Variants in MYH1 observed in about 807,000 individuals in gnomAD.
MYH1 encodes the protein myosin heavy chain 1.
In MYH1, 214 loss-of-function variants were observed where a neutral mutation model predicts 225.6. That is an observed-to-expected ratio of 0.95 (90% CI 0.85 to 1.06). The LOEUF is 1.06. Among genes scored for constraint, MYH1 ranks in the 50% least tolerant of loss-of-function variants. The pLI is 0.00. For synonymous variants in MYH1, 774 were observed against 842.3 expected, an observed-to-expected ratio of 0.92 and a Z score of 1.40; for missense variants, 2,098 against 2,344.2, an observed-to-expected ratio of 0.89 and a Z score of 2.17.
chr17:10,497,805 G>A lies in MYH1; in HGVS notation c.4294C>T (p.Leu1432Phe). ...TTTGTCCTCTCAACATCAATCATGA[G>A]GTCCTCAACTTCATTCTGGAGCCTC... ...KQRLQNEVED[L>F]MIDVERTNAA... Residue 1432 changes from leucine (L) to phenylalanine (F), a missense_variant, in exon 31 of 40, where the codon CTC becomes TTC. Leu to Phe is a conservative substitution (Grantham distance 22). Coordinates refer to ENST00000226207, the MANE Select transcript of MYH1 (RefSeq NM_005963.4). 6.2e-7 allele frequency: 1 copy of A among 1,614,140 alleles called. No individual in the cohort carries two copies. Among genetic ancestry groups the A allele is most frequent in the Non-Finnish European group, 8.5e-7 (1 of 1,180,022 alleles).
chr17:10,507,950 C>A lies in MYH1; in HGVS notation c.1904G>T (p.Gly635Val), dbSNP rs1422403636. Residue 635 changes from glycine to valine, a missense_variant, in exon 17 of 40, where the codon GGC (glycine) becomes GTC (valine). Gly to Val is a moderately radical substitution (Grantham distance 109). Transcript: ENST00000226207. ...CTTCTTACCACCTTTCTTTCCACCG[C>A]CAGCCTCTGAGGGGAAAAAGAAAGC... is the stretch of plus-strand genomic sequence containing the variant. ...VGATGAEAEA[G>V]GGKKGGKKKG... 2 of 1,613,464 alleles carry A rather than the reference C, an allele frequency of 1.2e-6. No homozygotes were observed. The highest frequency in any genetic ancestry group is 2.2e-5 in the South Asian group (2 of 91,054).
Position 10,516,700 on chromosome 17 carries a change from G to C in MYH1, c.-40-18C>G. 6.3e-7 allele frequency: 1 copy of C among 1,582,352 alleles called. No individual in the cohort carries two copies. The highest frequency in any genetic ancestry group is 1.8e-5 in the Admixed American group (1 of 55,348). On this transcript the variant is annotated intron_variant, in intron 2 of 39. Coordinates refer to ENST00000226207, the MANE Select transcript of MYH1 (RefSeq NM_005963.4). ...GACCCTGGCTGGGAGAGGAAGAAAA[G>C]AAATTGTAGAAATTAAGAAACTGGA...
intron 27 of MYH1, 49 bp from the exon 28 acceptor site, chr17:10,500,801 A>C: frequency 3.1e-6 from 5 of 1,612,166 alleles, no homozygotes; most frequent in Non-Finnish European, 4.2e-6. Context: ...AGTTGGACCA[A>C]AGAAAGTTTC....
chr17:10,508,012 T>TG lies in MYH1; in HGVS notation c.1898-57_1898-56insC. 1.5e-5 allele frequency: 20 copies of TG among 1,316,358 alleles called. 1 individual carries two copies. The South Asian group carries it at 2.6e-4, about 17-fold the overall frequency. 81.5% of individuals were successfully genotyped at this position (1,316,358 alleles called of 1,614,324 possible). A position where few individuals can be genotyped will look rare whatever the true frequency, so the allele number is the denominator to read the frequency against. ...AGCCTTTCTCTGGTTATGGTTTTTT[T>TG]TTTTTGTTTTTTTTTGTTTTTTTTG... On this transcript the variant is annotated intron_variant, in intron 16 of 39. Coordinates refer to ENST00000226207, the MANE Select transcript of MYH1 (RefSeq NM_005963.4).
intron 6 of MYH1, 89 bp downstream of exon 6, chr17:10,514,779 G>A (rs1050852688): frequency 2.5e-5 from 30 of 1,188,302 alleles, no homozygotes; most frequent in Non-Finnish European, 3.8e-5. Context: ...CAGTGCTTTA[G>A]TAGAGAACAT....
Position 10,497,756 on chromosome 17 carries a change from T to C in MYH1, c.4343A>G (p.Lys1448Arg). The C allele has an allele frequency of 6.2e-7, 1 of 1,613,868 alleles. No individual in the cohort carries two copies. The highest frequency in any genetic ancestry group is 8.5e-7 in the Non-Finnish European group (1 of 1,179,976). The change falls in exon 31 of 40, where the codon AAA becomes AGA. Residue 1448 changes from lysine to arginine, a missense_variant. Lys to Arg is a conservative substitution (Grantham distance 26). Transcript: ENST00000226207. ...RTNAACAALDKKQRNFDKILA... is the reference protein window; with the variant it reads ...RTNAACAALDRKQRNFDKILA... ...TACCTTATCAAAGTTCCTTTGCTTT[T>C]TGTCCAGGGCGGCACAGGCAGCATT...
intron 39 of MYH1, among the ~76,000 whole-genome samples, chr17:10,493,734 T>C (rs772906577): frequency 1.3e-5 from 2 of 152,238 alleles, no homozygotes; most frequent in African/African-American, 2.4e-5. Flanking sequence ...ACTCAAACCA[T>C]AAACTTGATA....
intron 17 of MYH1, among the ~76,000 whole-genome samples, chr17:10,506,446 A>T (rs923995587): frequency 6.6e-6 from 1 of 151,962 alleles, no homozygotes; most frequent in Non-Finnish European, 1.5e-5. Context: ...ACTACTAATC[A>T]ATGCCTTCCT....
chr17:10,498,233 G>A (rs980442960), intron 30 of MYH1, among the ~76,000 whole-genome samples: 23 of 152,122 alleles, frequency 1.5e-4, no homozygotes, highest in African/African-American at 5.3e-4. Context: ...TTGAATTACT[G>A]GTTTGTTTTT....
chr17:10,515,188 T>C (rs563684838), intron 5 of MYH1, among the ~76,000 whole-genome samples: 1 of 152,354 alleles, frequency 6.6e-6, no homozygotes, highest in South Asian at 2.1e-4. Context: ...ATTTAATAGA[T>C]TGAAATAGTG....
rs774291783 is a variant in MYH1, at chr17:10,501,284, C to T, written c.3564G>A (p.Gln1188=). The T allele has an allele frequency of 6.2e-6, 10 of 1,614,128 alleles. No individual in the cohort carries two copies. The East Asian group carries it at 2.0e-4, about 32-fold the overall frequency. The change falls in exon 27 of 40, where the codon CAG becomes CAA. Residue 1188 remains glutamine, a synonymous_variant. Coordinates refer to ENST00000226207, the MANE Select transcript of MYH1 (RefSeq NM_005963.4). ...MRRDLEEATL[Q]HEATAATLRK... Reference sequence around the variant, plus strand: ...TCAGGGTGGCCGCCGTGGCTTCATGCTGTAGGGTGGCCTCCTCCAGGTCCC... The same window carrying T: ...TCAGGGTGGCCGCCGTGGCTTCATGTTGTAGGGTGGCCTCCTCCAGGTCCC...
At chr17:10,501,085 A>G in intron 27 of MYH1, 25 bp downstream of exon 27, 1 of 1,607,346 alleles carries the variant, frequency 6.2e-7, no homozygotes, top group Non-Finnish European at 8.5e-7. Context: ...AAAACCAAAT[A>G]ATCAATGTGA....
At position 10,516,465 on chromosome 17, in the gene MYH1, C is replaced by T; in HGVS notation, c.178G>A (p.Val60Met). The T allele has an allele frequency of 6.2e-7, 1 of 1,614,214 alleles. No homozygotes were observed. Among genetic ancestry groups the T allele is most frequent in the Non-Finnish European group, 8.5e-7 (1 of 1,180,046 alleles). ...ATVQSREGGK[V>M]TAKTEAGATV... The stretch of plus-strand genomic sequence containing the variant: ...GCTCCAGCTTCGGTCTTAGCTGTCA[C>T]CTTCCCCCCTTCCCTGCTCTGCACT... Residue 60 changes from valine to methionine, a missense_variant, in exon 3 of 40, where the codon GTG becomes ATG. Val to Met is a conservative substitution (Grantham distance 21). Coordinates refer to ENST00000226207, the MANE Select transcript of MYH1 (RefSeq NM_005963.4).
At chr17:10,497,978 G>C (rs2073014133) in intron 30 of MYH1, 61 bp from the exon 31 acceptor site, 1 of 1,451,270 alleles carries the variant, frequency 6.9e-7, no homozygotes, top group Admixed American at 2.3e-5. Context: ...TTCAAAGTGG[G>C]TACAAGAGAG....
rs773770431 is a variant in MYH1 at position 10,512,511 on chromosome 17, T to C, written c.1044A>G (p.Glu348=). 1 of 1,614,118 alleles carries C rather than the reference T, an allele frequency of 6.2e-7. No homozygotes were observed. Among genetic ancestry groups the C allele is most frequent in the Non-Finnish European group, 8.5e-7 (1 of 1,179,988 alleles). Reference sequence around the variant, plus strand: ...CTGTGAGCTTATAGATGGACACTCTTTCATCTGAAGTAAAGCCCAGAATTT... The same window carrying C: ...CTGTGAGCTTATAGATGGACACTCTCTCATCTGAAGTAAAGCCCAGAATTT... ...AIEILGFTSD[E]RVSIYKLTGA... is the part of the protein sequence containing the mutation. The change falls in exon 12 of 40, where the codon GAA becomes GAG. Residue 348 remains glutamate, a synonymous_variant. Transcript: ENST00000226207.
At position 10,497,130 on chromosome 17, in the gene MYH1, T is replaced by A. The variant is rs1447014813; in HGVS notation, c.4595A>T (p.Lys1532Ile). ...EGGKRIHELE[K>I]IKKQVEQEKS... ...TTCTTGCTCAACTTGCTTCTTTATT[T>A]TTTCCAGTTCATGGATGCGCTTTCC... The change falls in exon 33 of 40, where the codon AAA becomes ATA. Residue 1532 changes from lysine (K) to isoleucine (I), a missense_variant. By Grantham distance (102) the Lys-to-Ile change is moderately radical. Transcript: ENST00000226207. The A allele has an allele frequency of 1.2e-6, 2 of 1,614,024 alleles. No homozygotes were observed. Among genetic ancestry groups the A allele is most frequent in the Non-Finnish European group, 1.7e-6 (2 of 1,180,026 alleles).
rs776667621 is a variant in MYH1, at chr17:10,494,334, C to T, written c.5667+20G>A. Reference sequence around the variant, plus strand: ...CTGGTCATGTCTGAGAAAAATCACCCCAAGGGGTTGTGAACTCACCGCTTC... The same window carrying T: ...CTGGTCATGTCTGAGAAAAATCACCTCAAGGGGTTGTGAACTCACCGCTTC... On this transcript the variant is annotated intron_variant, in intron 39 of 39. Transcript: ENST00000226207. The T allele has an allele frequency of 1.2e-6, 2 of 1,609,164 alleles. No homozygotes were observed. The highest frequency in any genetic ancestry group is 2.2e-5 in the East Asian group (1 of 44,834).
In MYH1 at chr17:10,505,322, A is replaced by T. The variant is rs147347921; in HGVS notation, c.2299-23T>A. The T allele has an allele frequency of 6.3e-4, 1,010 of 1,614,172 alleles. 3 individuals are homozygous for T. In the African/African-American group the frequency reaches 0.012, roughly 19 times the overall value. On this transcript the variant is annotated intron_variant, in intron 20 of 39. Transcript: ENST00000226207. ...GACCTATGTGTGGGAAGAATTTCAGATCAGAAAATTTACATAAAGTTCAAA... is the reference window on the plus strand; with the variant it reads ...GACCTATGTGTGGGAAGAATTTCAGTTCAGAAAATTTACATAAAGTTCAAA...
Position 10,494,646 on chromosome 17 carries a change from T to C in MYH1, c.5494A>G (p.Ser1832Gly). 2 of 1,614,072 alleles carry C rather than the reference T, an allele frequency of 1.2e-6. No homozygotes were observed. Among genetic ancestry groups the C allele is most frequent in the Non-Finnish European group, 1.7e-6 (2 of 1,180,026 alleles). ...GCTTCAACATTGCGCTTCTGTTCACTTTCAACTTCACCTTCAAGTTCACGA... is the reference window on the plus strand; with the variant it reads ...GCTTCAACATTGCGCTTCTGTTCACCTTCAACTTCACCTTCAAGTTCACGA... ...RVRELEGEVE[S>G]EQKRNVEAVK... Residue 1832 changes from serine (S) to glycine (G), a missense_variant, in exon 38 of 40, where the codon AGT becomes GGT. Transcript: ENST00000226207.
Sources: gnomAD v4.1 joint callset for allele counts (sites outside exome capture counted in the v4.1 genomes callset) on GRCh38, gnomAD v4.1.1 for gene constraint, MANE v1.5 for transcripts, NCBI Gene and HGNC (gene_info 2026-07-23, HGNC 2026-07-21) for gene names.